The following NLGN4X variants were observed in gnomAD, a reference collection of about 807,000 sequenced individuals.
NLGN4X encodes neuroligin 4 X-linked.
Under a neutral mutation model 40.3 loss-of-function variants are expected in NLGN4X, and 3 were observed. The ratio of observed to expected loss-of-function variants is 0.07; its 90% confidence interval spans 0.03 to 0.19. The LOEUF (loss-of-function observed/expected upper bound fraction) is 0.19. NLGN4X is among the 10% of genes least tolerant of loss of function. The pLI is 1.00. For synonymous variants in NLGN4X, 270 were observed against 306.8 expected (o/e 0.88, Z 1.25); for missense variants, 382 against 708.3 (o/e 0.54, Z 5.23).
chrX:6,152,922 C>T (rs947285314), intron 1 of NLGN4X, among the ~76,000 whole-genome samples: 3 of 112,364 alleles, frequency 2.7e-5, no homozygotes, highest in South Asian at 7.3e-4. Flanking sequence ...AGGGTCACCA[C>T]CTCAATTTGT....
At chrX:5,989,090 A>T (rs1342979494) in intron 3 of NLGN4X, among the ~76,000 whole-genome samples, 5 of 94,244 alleles carry the variant, frequency 5.3e-5, no homozygotes, top group Non-Finnish European at 8.6e-5. Flanking sequence ...AAAATAAAAA[A>T]AATAAAAAAA....
intron 2 of NLGN4X, among the ~76,000 whole-genome samples, chrX:6,144,674 T>C (rs1368897465): frequency 9.0e-6 from 1 of 111,623 alleles, no homozygotes; most frequent in African/African-American, 3.3e-5. Flanking sequence ...CACGTTGCTT[T>C]ACACCAACTC....
At chrX:5,956,062 A>G (rs1170620310) in intron 3 of NLGN4X, among the ~76,000 whole-genome samples, 1 of 109,826 alleles carries the variant, frequency 9.1e-6, no homozygotes, top group Non-Finnish European at 1.9e-5. Context: ...CAGGAATATG[A>G]ATACAAAGTC....
chrX:6,082,615 T>C (rs182561996), intron 2 of NLGN4X, among the ~76,000 whole-genome samples: 1 of 111,725 alleles, frequency 9.0e-6, no homozygotes, highest in Non-Finnish European at 1.9e-5. Flanking sequence ...CATATATATG[T>C]ATACATAAAA....
At chrX:6,168,869 C>G (rs1326673389) in intron 1 of NLGN4X, among the ~76,000 whole-genome samples, 2 of 111,850 alleles carry the variant, frequency 1.8e-5, no homozygotes, top group Non-Finnish European at 3.8e-5. Flanking sequence ...TGGGCTCAAG[C>G]AATCTTCCTG....
At chrX:6,132,905 G>A (rs1168112376) in intron 2 of NLGN4X, among the ~76,000 whole-genome samples, 1 of 111,201 alleles carries the variant, frequency 9.0e-6, no homozygotes, top group Non-Finnish European at 1.9e-5. Flanking sequence ...TAAAAATGGA[G>A]ACAGGAGGGC....
chrX:6,018,059 CAT>C (rs2036436404), intron 3 of NLGN4X, among the ~76,000 whole-genome samples: 1 of 111,213 alleles, frequency 9.0e-6, no homozygotes, highest in Admixed American at 9.6e-5. Flanking sequence ...AGCATGTATA[CAT>C]ATATAGACAC....
In NLGN4X at chrX:5,890,883, G is replaced by A. The variant is rs1211833825; in HGVS notation, c.*1934C>T. 4 of 321,223 alleles carry A rather than the reference G, an allele frequency of 1.2e-5. No homozygotes were observed. The highest frequency in any genetic ancestry group is 3.3e-5 in the Admixed American group (1 of 30,521). 26.5% of individuals were successfully genotyped at this position (321,223 alleles called of 1,213,427 possible). ...TCTCAAACACTGATATATCACTATA[G>A]TTTGAGTGTAGGGATTCAGTAATCA... is the stretch of plus-strand genomic sequence containing the variant. On this transcript the variant is annotated 3_prime_UTR_variant, in exon 6 of 6. Coordinates refer to ENST00000381095, the MANE Select transcript of NLGN4X (RefSeq NM_181332.3).
chrX:6,041,709 AT>A (rs1448833075), intron 2 of NLGN4X, among the ~76,000 whole-genome samples: 1 of 112,595 alleles, frequency 8.9e-6, no homozygotes, highest in Non-Finnish European at 1.9e-5. Flanking sequence ...GTTACCTGTG[AT>A]TTTTCAACAC....
intron 3 of NLGN4X, among the ~76,000 whole-genome samples, chrX:6,005,364 T>A (rs2147140457): frequency 9.0e-6 from 1 of 111,678 alleles, no homozygotes; most frequent in South Asian, 3.9e-4. Flanking sequence ...ATACATGCCA[T>A]CTGGGTGCCA....
At chrX:5,921,811 C>A (rs925003441) in intron 3 of NLGN4X, among the ~76,000 whole-genome samples, 1 of 111,656 alleles carries the variant, frequency 9.0e-6, no homozygotes, top group Middle Eastern at 4.6e-3. Context: ...GGTAGCTACA[C>A]GGTGTTAGGC....
At chrX:6,003,992 AG>A (rs1223658115) in intron 3 of NLGN4X, among the ~76,000 whole-genome samples, 1 of 112,613 alleles carries the variant, frequency 8.9e-6, no homozygotes, top group Non-Finnish European at 1.9e-5. Flanking sequence ...GCGAGTGAGC[AG>A]GGTTCACCCC....
At chrX:6,074,883 G>A (rs1255984703) in intron 2 of NLGN4X, among the ~76,000 whole-genome samples, 2 of 111,717 alleles carry the variant, frequency 1.8e-5, no homozygotes, top group Non-Finnish European at 3.8e-5. Flanking sequence ...TCAGTATGCC[G>A]AAGAAAGAAA....
At chrX:6,163,831 T>C (rs1176539222) in intron 1 of NLGN4X, among the ~76,000 whole-genome samples, 1 of 112,808 alleles carries the variant, frequency 8.9e-6, no homozygotes, top group Non-Finnish European at 1.9e-5. Context: ...ATGATAAGTA[T>C]CTAAGGGCAA....
intron 2 of NLGN4X, among the ~76,000 whole-genome samples, chrX:6,030,715 A>T (rs2036835868): frequency 9.0e-6 from 1 of 111,671 alleles, no homozygotes; most frequent in Admixed American, 9.6e-5. Context: ...GCAGATATTT[A>T]ATCCACGGCA....
At chrX:6,120,380 C>T (rs1052231484) in intron 2 of NLGN4X, among the ~76,000 whole-genome samples, 3 of 111,916 alleles carry the variant, frequency 2.7e-5, no homozygotes, top group African/African-American at 9.7e-5. Flanking sequence ...AATTAAAGAA[C>T]TGTAGAACAG....
At chrX:5,919,256 T>A (rs1328577034) in intron 3 of NLGN4X, among the ~76,000 whole-genome samples, 2 of 111,654 alleles carry the variant, frequency 1.8e-5, no homozygotes. Context: ...TAGCATAGCA[T>A]CTTAATCTCT....
rs193071303 is a variant in NLGN4X at position 6,125,630 on chromosome X, C to T, written c.472+25365G>A. ...GAAAAAAACAAACAAAGCAACTTTACGCAAAGAAATGAATAAACTAAAAGC... is the reference window on the plus strand; with the variant it reads ...GAAAAAAACAAACAAAGCAACTTTATGCAAAGAAATGAATAAACTAAAAGC... On this transcript the variant is annotated intron_variant, in intron 2 of 5. Transcript: ENST00000381095. Among the ~76,000 whole-genome samples, 472 of 110,464 alleles carry T rather than the reference C, an allele frequency of 4.3e-3. 4 individuals carry two copies. The highest frequency in any genetic ancestry group is 0.014 in the African/African-American group (424 of 30,557).
chrX:5,910,325 G>GTT (rs34324227), intron 3 of NLGN4X, among the ~76,000 whole-genome samples: 2 of 105,042 alleles, frequency 1.9e-5, no homozygotes, highest in East Asian at 3.0e-4. Flanking sequence ...ATTTTTAAAA[G>GTT]TTTTTTTTTT....
Sources: gnomAD v4.1 joint callset for allele counts (sites outside exome capture counted in the v4.1 genomes callset) on GRCh38, gnomAD v4.1.1 for gene constraint, MANE v1.5 for transcripts, NCBI Gene and HGNC (gene_info 2026-07-23, HGNC 2026-07-21) for gene names.